MAGI2: variants seen among roughly 807,000 people sequenced by gnomAD.
MAGI2 encodes the protein membrane-associated guanylate kinase, WW and PDZ domain-containing protein 2.
A neutral mutation model predicts 133.3 loss-of-function variants in MAGI2; 35 were observed. The observed-to-expected ratio is 0.26, with a 90% CI of 0.20 to 0.35. MAGI2 has a LOEUF of 0.35. Ranked by LOEUF, MAGI2 falls within the 10% of genes least tolerant of loss-of-function variation. The pLI is 1.00. For missense variants in MAGI2, 1,636 were observed against 1,863.4 expected, an observed-to-expected ratio of 0.88 and a Z score of 2.25; for synonymous variants, 729 against 710.6, an observed-to-expected ratio of 1.03 and a Z score of -0.41.
chr7:78,894,466 A>T (rs904847092), intron 2 of MAGI2, among the ~76,000 whole-genome samples: 3 of 152,196 alleles, frequency 2.0e-5, no homozygotes, highest in African/African-American at 7.2e-5. Context: ...TTAAAAAATA[A>T]CATTTTCTAA....
chr7:79,255,419 G>C (rs1310048685), intron 1 of MAGI2, among the ~76,000 whole-genome samples: 1 of 152,252 alleles, frequency 6.6e-6, no homozygotes, highest in Middle Eastern at 3.4e-3. Context: ...GGTAATGCAA[G>C]CACCACTGAG....
chr7:78,931,071 G>C (rs1041482648), intron 2 of MAGI2, among the ~76,000 whole-genome samples: 1 of 152,098 alleles, frequency 6.6e-6, no homozygotes, highest in Admixed American at 6.6e-5. Flanking sequence ...TGACAGATTA[G>C]TTGGGAGGAA....
chr7:78,775,943 C>T (rs1023939902), intron 2 of MAGI2, among the ~76,000 whole-genome samples: 3 of 152,148 alleles, frequency 2.0e-5, no homozygotes, highest in Non-Finnish European at 4.4e-5. Context: ...TTTCTACTCT[C>T]GTGTGAACCT....
chr7:78,928,424 A>G (rs188401481), intron 2 of MAGI2, among the ~76,000 whole-genome samples: 1 of 152,078 alleles, frequency 6.6e-6, no homozygotes, highest in African/African-American at 2.4e-5. Flanking sequence ...AAAACCCTCA[A>G]GAACTGGAGA....
At chr7:79,081,589 T>C (rs748450417) in intron 1 of MAGI2, among the ~76,000 whole-genome samples, 27 of 152,276 alleles carry the variant, frequency 1.8e-4, no homozygotes, top group Middle Eastern at 3.4e-3. Flanking sequence ...AAAATAAAAT[T>C]CTTGCTAGTC....
chr7:78,329,942 G>A (rs1022424281), intron 9 of MAGI2, among the ~76,000 whole-genome samples: 1 of 152,126 alleles, frequency 6.6e-6, no homozygotes, highest in Non-Finnish European at 1.5e-5. Context: ...CCTCTATGAA[G>A]TCTAAAATGA....
chr7:79,368,645 G>A (rs554271314), intron 1 of MAGI2, among the ~76,000 whole-genome samples: 1 of 151,700 alleles, frequency 6.6e-6, no homozygotes, highest in South Asian at 2.1e-4. Flanking sequence ...TCAGGAGATC[G>A]AGACCATCCC....
chr7:78,065,165 A>AACC (rs890080727), intron 21 of MAGI2, among the ~76,000 whole-genome samples: 2 of 152,284 alleles, frequency 1.3e-5, no homozygotes, highest in Non-Finnish European at 2.9e-5. Context: ...AAGGTCTGGC[A>AACC]ACTGTGGCTC....
At chr7:79,361,661 A>T (rs765561326) in intron 1 of MAGI2, among the ~76,000 whole-genome samples, 1 of 152,108 alleles carries the variant, frequency 6.6e-6, no homozygotes, top group African/African-American at 2.4e-5. Context: ...CCCATAACAC[A>T]CTCACAAGAG....
At position 78,546,593 on chromosome 7, in the gene MAGI2, T is replaced by C. The variant is rs145225636; in HGVS notation, c.539-24948A>G. 1.9e-3 allele frequency among the ~76,000 whole-genome samples: 283 copies of C among 152,282 alleles called. 2 individuals carry two copies. Among genetic ancestry groups the C allele is most frequent in the African/African-American group, 6.4e-3 (268 of 41,552 alleles). On this transcript the variant is annotated intron_variant, in intron 3 of 21. Transcript: ENST00000354212. ...ACAATTGACTGTGTTGATTAGTATA[T>C]TGCCAACAGCTGTGTCCCCCTGTGT...
At chr7:78,877,701 A>T (rs1448990895) in intron 2 of MAGI2, among the ~76,000 whole-genome samples, 1 of 152,188 alleles carries the variant, frequency 6.6e-6, no homozygotes, top group Non-Finnish European at 1.5e-5. Context: ...TAAAAAAATT[A>T]AAAAGTTTTA....
At chr7:79,430,092 T>G (rs1487621794) in intron 1 of MAGI2, among the ~76,000 whole-genome samples, 1 of 152,188 alleles carries the variant, frequency 6.6e-6, no homozygotes, top group Non-Finnish European at 1.5e-5. Flanking sequence ...ATGATGTATT[T>G]ATTGCAAAGA....
At chr7:78,550,081 C>T (rs1007841935) in intron 3 of MAGI2, among the ~76,000 whole-genome samples, 1 of 152,180 alleles carries the variant, frequency 6.6e-6, no homozygotes, top group African/African-American at 2.4e-5. Context: ...ATAGAAAGCA[C>T]CGTCTACAAA....
intron 2 of MAGI2, among the ~76,000 whole-genome samples, chr7:78,725,893 T>C (rs1459405806): frequency 2.0e-5 from 3 of 152,206 alleles, no homozygotes; most frequent in Non-Finnish European, 4.4e-5. Flanking sequence ...TTTTATTAGT[T>C]GTAAAATGTA....
At chr7:78,630,399 C>A (rs538700533) in intron 2 of MAGI2, among the ~76,000 whole-genome samples, 4 of 131,634 alleles carry the variant, frequency 3.0e-5, no homozygotes, top group Admixed American at 7.8e-5. Context: ...GGTGTACTGA[C>A]TTTTTGTGTT....
chr7:78,719,065 G>A (rs1820002459), intron 2 of MAGI2, among the ~76,000 whole-genome samples: 1 of 152,104 alleles, frequency 6.6e-6, no homozygotes, highest in Non-Finnish European at 1.5e-5. Flanking sequence ...ATGTCTGTGG[G>A]GAAAATAGGA....
In MAGI2 at chr7:78,390,395, G is replaced by T. The variant is rs531205647; in HGVS notation, c.1046-21182C>A. On this transcript the variant is annotated intron_variant, in intron 6 of 21. Coordinates refer to ENST00000354212, the MANE Select transcript of MAGI2 (RefSeq NM_012301.4). ...ATCAATGCTTTCGTTCACTGGTAAT[G>T]AATTTGAACATTATAAAATTTGTAT... is the stretch of plus-strand genomic sequence containing the variant. 9.2e-5 allele frequency among the ~76,000 whole-genome samples: 14 copies of T among 152,300 alleles called. 1 individual carries two copies. In the South Asian group the frequency reaches 2.7e-3, roughly 29 times the overall value.
intron 1 of MAGI2, among the ~76,000 whole-genome samples, chr7:79,075,946 T>C (rs547926912): frequency 1.3e-5 from 2 of 152,156 alleles, no homozygotes; most frequent in South Asian, 4.1e-4. Flanking sequence ...AATAATATGA[T>C]ACTTTAAAAA....
At chr7:78,298,810 GTTTTTTTTTTT>G (rs71085520) in intron 9 of MAGI2, among the ~76,000 whole-genome samples, 120 of 79,622 alleles carry the variant, frequency 1.5e-3, no homozygotes, top group African/African-American at 3.0e-3. Flanking sequence ...TGGCCTAAAC[GTTTTTTTTTTT>G]TTTTTTTTTT....
Sources: gnomAD v4.1 joint callset for allele counts (sites outside exome capture counted in the v4.1 genomes callset) on GRCh38, gnomAD v4.1.1 for gene constraint, MANE v1.5 for transcripts, NCBI Gene and HGNC (gene_info 2026-07-23, HGNC 2026-07-21) for gene names.